Variants in NTM observed in about 807,000 individuals in gnomAD.
NTM encodes neurotrimin, also known as IgLON family member 2.
Under a neutral mutation model 42.1 loss-of-function variants are expected in NTM, and 13 were observed. The ratio of observed to expected loss-of-function variants is 0.31; its 90% CI spans 0.20 to 0.49. The LOEUF (loss-of-function observed/expected upper bound fraction) is 0.49. NTM is among the 20% of genes least tolerant of loss of function. The probability of loss-of-function intolerance (pLI) is 0.99; values close to 1 mark genes in which losing one functional copy is unlikely to be tolerated. For missense variants in NTM, 373 were observed against 452.8 expected (o/e 0.82, Z 1.60); for synonymous variants, 187 against 179.2 (o/e 1.04, Z -0.35).
chr11:131,389,555 A>G (rs1249387592), intron 1 of NTM, among the ~76,000 whole-genome samples: 1 of 152,216 alleles, frequency 6.6e-6, no homozygotes, highest in Admixed American at 6.5e-5. Context: ...AAGAACGTGT[A>G]AAACTATTTC....
chr11:131,848,102 G>A (rs1437041478), intron 1 of NTM, among the ~76,000 whole-genome samples: 4 of 152,126 alleles, frequency 2.6e-5, no homozygotes, highest in Non-Finnish European at 5.9e-5. Flanking sequence ...TAGACGTGGT[G>A]TATCACTAAA....
chr11:131,832,762 G>T (rs914608639), intron 1 of NTM, among the ~76,000 whole-genome samples: 1 of 152,166 alleles, frequency 6.6e-6, no homozygotes, highest in African/African-American at 2.4e-5. Context: ...GATAAACTGA[G>T]GGAAGGTGTA....
intron 1 of NTM, among the ~76,000 whole-genome samples, chr11:131,619,478 G>T (rs550056003): frequency 6.6e-6 from 1 of 152,284 alleles, no homozygotes; most frequent in Non-Finnish European, 1.5e-5. Context: ...CTGAAGGTCA[G>T]GAAGGAAAAG....
At chr11:132,137,608 T>C (rs2068203179) in intron 2 of NTM, among the ~76,000 whole-genome samples, 1 of 152,162 alleles carries the variant, frequency 6.6e-6, no homozygotes, top group Non-Finnish European at 1.5e-5. Context: ...TTTATGAAGG[T>C]GCAGCCAAGG....
At chr11:132,048,720 A>G (rs1475983074) in intron 2 of NTM, among the ~76,000 whole-genome samples, 1 of 152,190 alleles carries the variant, frequency 6.6e-6, no homozygotes, top group Non-Finnish European at 1.5e-5. Context: ...TCCTCAAAAC[A>G]GACAGACACC....
At chr11:131,448,602 C>A (rs1035018656) in intron 1 of NTM, among the ~76,000 whole-genome samples, 2 of 152,254 alleles carry the variant, frequency 1.3e-5, no homozygotes, top group Non-Finnish European at 2.9e-5. Context: ...CTTCTCTGAA[C>A]AGTTCTCAGT....
chr11:131,612,988 T>C (rs78937344), intron 1 of NTM, among the ~76,000 whole-genome samples: 9,806 of 152,330 alleles, frequency 0.064, 1,055 homozygotes, highest in African/African-American at 0.22. Context: ...CTGCTACCAT[T>C]TGAGGCAGAA....
chr11:132,037,011 C>G (rs1255313741), intron 2 of NTM, among the ~76,000 whole-genome samples: 1 of 152,134 alleles, frequency 6.6e-6, no homozygotes, highest in East Asian at 1.9e-4. Context: ...GTCTGCTACT[C>G]TGCCTGCTTA....
chr11:131,862,494 C>A (rs569514331), intron 1 of NTM, among the ~76,000 whole-genome samples: 1 of 152,146 alleles, frequency 6.6e-6, no homozygotes, highest in African/African-American at 2.4e-5. Context: ...CTAGACAGTA[C>A]TAATCTTGAG....
chr11:132,176,732 T>TTTG (rs1158393892), intron 3 of NTM, among the ~76,000 whole-genome samples: 1 of 141,634 alleles, frequency 7.1e-6, no homozygotes, highest in Non-Finnish European at 1.5e-5. Context: ...GTTTTTTTTT[T>TTTG]TTTTTTTTTT....
At chr11:132,044,484 C>A (rs1246872530) in intron 2 of NTM, among the ~76,000 whole-genome samples, 1 of 152,018 alleles carries the variant, frequency 6.6e-6, no homozygotes, top group Non-Finnish European at 1.5e-5. Context: ...AAGAGGAGGA[C>A]CCCTCTTCTG....
chr11:131,538,460 A>G (rs1404192213), intron 1 of NTM: 3 of 152,100 alleles, frequency 2.0e-5, no homozygotes, highest in Non-Finnish European at 4.4e-5. Context: ...AGGAGATCCT[A>G]CTCTGTATAT....
At chr11:131,919,768 A>T (rs1592862933) in intron 2 of NTM, among the ~76,000 whole-genome samples, 2 of 152,138 alleles carry the variant, frequency 1.3e-5, no homozygotes, top group Non-Finnish European at 2.9e-5. Flanking sequence ...GCATGTGTGC[A>T]TATATGTGTA....
At chr11:131,614,293 A>G (rs4245101) in intron 1 of NTM, among the ~76,000 whole-genome samples, 123,306 of 152,186 alleles carry the variant, frequency 0.81, 50,290 homozygotes, top group African/African-American at 0.91. Context: ...AGTGGTTCCC[A>G]TAAATGCCCC....
At chr11:131,777,846 A>G (rs1256913555) in intron 1 of NTM, among the ~76,000 whole-genome samples, 1 of 152,222 alleles carries the variant, frequency 6.6e-6, no homozygotes, top group Non-Finnish European at 1.5e-5. Flanking sequence ...TAGATTTTAC[A>G]TTAATCATAA....
chr11:132,054,376 G>A (rs867748480), intron 2 of NTM, among the ~76,000 whole-genome samples: 19 of 152,200 alleles, frequency 1.2e-4, no homozygotes, highest in African/African-American at 4.3e-4. Flanking sequence ...TTCTTTAAAC[G>A]AAGCTGTAGA....
Position 131,472,028 on chromosome 11 carries a change from G to A in NTM, c.82+101140G>A, listed in dbSNP as rs527394313. Reference sequence around the variant, plus strand: ...TGAAACCAAGACGTTTCAATTAACAGGAGGCACTTCAAACCTGAACATCTC... The same window carrying A: ...TGAAACCAAGACGTTTCAATTAACAAGAGGCACTTCAAACCTGAACATCTC... On this transcript the variant is annotated intron_variant, in intron 1 of 8. Transcript: ENST00000683400. Among the ~76,000 whole-genome samples the A allele has an allele frequency of 7.5e-4, 114 of 152,332 alleles. 1 individual carries two copies. Among genetic ancestry groups the A allele is most frequent in the Admixed American group, 1.2e-3 (18 of 15,298 alleles).
intron 2 of NTM, among the ~76,000 whole-genome samples, chr11:131,990,441 A>G (rs542291617): frequency 6.6e-6 from 1 of 152,110 alleles, no homozygotes; most frequent in South Asian, 2.1e-4. Flanking sequence ...CTCACTGTAC[A>G]TGGGTATAAT....
chr11:131,990,966 T>C (rs1365149261), intron 2 of NTM, among the ~76,000 whole-genome samples: 2 of 152,174 alleles, frequency 1.3e-5, no homozygotes, highest in Non-Finnish European at 2.9e-5. Context: ...GTGATATACA[T>C]ACTGTCTAAC....
Sources: gnomAD v4.1 joint callset for allele counts (sites outside exome capture counted in the v4.1 genomes callset) on GRCh38, gnomAD v4.1.1 for gene constraint, MANE v1.5 for transcripts, NCBI Gene and HGNC (gene_info 2026-07-23, HGNC 2026-07-21) for gene names.